The following STK3 variants were observed in gnomAD, a reference collection of about 807,000 sequenced individuals.
STK3 encodes serine/threonine-protein kinase 3.
A neutral mutation model predicts 58.0 loss-of-function variants in STK3; 41 were observed. The ratio of observed to expected loss-of-function variants is 0.71; its 90% CI spans 0.55 to 0.92. The LOEUF is 0.92. Ranked by LOEUF, STK3 falls within the 40% of genes least tolerant of loss-of-function variation. The pLI, the probability that STK3 is intolerant of heterozygous loss-of-function variation, is 0.00. For missense variants in STK3, 479 were observed against 602.7 expected, an observed-to-expected ratio of 0.79 and a Z score of 2.15; for synonymous variants, 170 against 191.0, an observed-to-expected ratio of 0.89 and a Z score of 0.91.
intron 1 of STK3, chr8:98,904,570 A>G: frequency 5.5e-6 from 3 of 546,544 alleles, no homozygotes; most frequent in South Asian, 4.5e-5. Flanking sequence ...CCGAGGGTTC[A>G]GTCAGCAATT....
chr8:98,697,042 A>C (rs1218891923), intron 6 of STK3, among the ~76,000 whole-genome samples: 1 of 152,106 alleles, frequency 6.6e-6, no homozygotes, highest in Non-Finnish European at 1.5e-5. Context: ...AGAGCCTGCT[A>C]TTGGTCTATT....
intron 9 of STK3, among the ~76,000 whole-genome samples, chr8:98,534,355 G>T (rs1411491492): frequency 6.6e-6 from 1 of 152,044 alleles, no homozygotes; most frequent in Non-Finnish European, 1.5e-5. Context: ...TTAGAACTTA[G>T]AACACTCTCA....
chr8:98,616,885 C>A (rs1405174558), intron 6 of STK3, among the ~76,000 whole-genome samples: 1 of 151,760 alleles, frequency 6.6e-6, no homozygotes, highest in Non-Finnish European at 1.5e-5. Context: ...ACCCCACTGT[C>A]AACATTAGAC....
At chr8:98,728,502 A>G (rs1827947431) in intron 4 of STK3, among the ~76,000 whole-genome samples, 1 of 151,596 alleles carries the variant, frequency 6.6e-6, no homozygotes, top group African/African-American at 2.4e-5. Flanking sequence ...CCATATGTAA[A>G]TATATATATA....
intron 7 of STK3, among the ~76,000 whole-genome samples, chr8:98,580,471 A>G (rs1813780754): frequency 6.6e-6 from 1 of 152,204 alleles, no homozygotes; most frequent in South Asian, 2.1e-4. Context: ...AGAAGGAGGG[A>G]CATGAGAGAA....
chr8:98,383,805 A>G (rs1403425390), intron 1 of STK3, among the ~76,000 whole-genome samples: 2 of 152,352 alleles, frequency 1.3e-5, no homozygotes, highest in South Asian at 4.1e-4. Flanking sequence ...ATCTGTATCT[A>G]CAGGAGGAAA....
chr8:98,613,705 T>G (rs1563803709), intron 6 of STK3, among the ~76,000 whole-genome samples: 2 of 151,898 alleles, frequency 1.3e-5, no homozygotes, highest in Admixed American at 6.6e-5. Flanking sequence ...ATATTAATAA[T>G]TACATTAAAT....
intron 1 of STK3, among the ~76,000 whole-genome samples, chr8:98,824,801 T>C (rs987536373): frequency 6.6e-6 from 1 of 152,244 alleles, no homozygotes; most frequent in Non-Finnish European, 1.5e-5. Flanking sequence ...TCTGAGAGAT[T>C]ACTATCCTTA....
intron 6 of STK3, among the ~76,000 whole-genome samples, chr8:98,705,622 TC>T (rs1164381656): frequency 7.2e-5 from 11 of 152,246 alleles, no homozygotes; most frequent in Admixed American, 3.9e-4. Context: ...TCTATTTACT[TC>T]ACATTCCTCC....
chr8:98,642,803 G>C (rs914905696), intron 6 of STK3, among the ~76,000 whole-genome samples: 11 of 152,184 alleles, frequency 7.2e-5, no homozygotes, highest in Admixed American at 6.5e-4. Flanking sequence ...ACAGGCAGAT[G>C]GATGGACAGG....
At chr8:98,367,478 T>G (rs1006080671), downstream of STK3, among the ~76,000 whole-genome samples, 1 of 152,182 alleles carries the variant, frequency 6.6e-6, no homozygotes, top group Non-Finnish European at 1.5e-5. Flanking sequence ...CCCTTAGAAA[T>G]CATACTGAGT....
intron 4 of STK3, among the ~76,000 whole-genome samples, chr8:98,743,683 T>C: frequency 6.6e-6 from 1 of 152,020 alleles, no homozygotes; most frequent in African/African-American, 2.4e-5. Context: ...GGGCAAGGAC[T>C]TCATGTCTAA....
chr8:98,640,105 G>A (rs981090498), intron 6 of STK3, among the ~76,000 whole-genome samples: 1 of 152,128 alleles, frequency 6.6e-6, no homozygotes, highest in Non-Finnish European at 1.5e-5. Context: ...CCAGGCTGGA[G>A]TGCAGTGGCG....
At chr8:98,788,434 T>C (rs1354277139) in intron 1 of STK3, among the ~76,000 whole-genome samples, 3 of 150,976 alleles carry the variant, frequency 2.0e-5, no homozygotes, top group Admixed American at 2.0e-4. Context: ...TAAGACTCCA[T>C]CTCAGAAAAA....
At chr8:98,622,948 T>C (rs1308512527) in intron 6 of STK3, among the ~76,000 whole-genome samples, 1 of 152,164 alleles carries the variant, frequency 6.6e-6, no homozygotes, top group African/African-American at 2.4e-5. Context: ...ACGGTAGTAG[T>C]AATAATGATT....
At chr8:98,407,768 G>GCA (rs1554587227) in intron 3 of STK3, among the ~76,000 whole-genome samples, 3 of 151,634 alleles carry the variant, frequency 2.0e-5, no homozygotes, top group South Asian at 2.1e-4. Flanking sequence ...GCGCGCGCGC[G>GCA]CGCATGCATG....
chr8:98,392,149 C>T (rs1412913955), upstream of STK3, among the ~76,000 whole-genome samples: 10 of 152,156 alleles, frequency 6.6e-5, no homozygotes, highest in South Asian at 4.1e-4. Context: ...ACTCTTCCCA[C>T]GCCTTTTATT....
chr8:98,792,894 G>GTA (rs762708267), intron 1 of STK3, among the ~76,000 whole-genome samples: 2 of 89,688 alleles, frequency 2.2e-5, no homozygotes, highest in East Asian at 2.5e-4. Flanking sequence ...TAAAGAGACT[G>GTA]TATGTGTGTG....
At chr8:98,777,951 T>C (rs1310585557) in intron 1 of STK3, among the ~76,000 whole-genome samples, 1 of 152,178 alleles carries the variant, frequency 6.6e-6, no homozygotes, top group Non-Finnish European at 1.5e-5. Flanking sequence ...GGCAATACCA[T>C]TCAGGACATA....
Sources: gnomAD v4.1 joint callset for allele counts (sites outside exome capture counted in the v4.1 genomes callset) on GRCh38, gnomAD v4.1.1 for gene constraint, MANE v1.5 for transcripts, NCBI Gene and HGNC (gene_info 2026-07-23, HGNC 2026-07-21) for gene names.